Variants in ZNF385D observed in about 807,000 individuals in gnomAD.
ZNF385D encodes the protein zinc finger protein 659.
In ZNF385D, 15 loss-of-function variants were observed where a neutral mutation model predicts 35.8. That is an observed-to-expected ratio of 0.42 (90% CI 0.28 to 0.64). The LOEUF is 0.64. Ranked by LOEUF, ZNF385D falls within the 30% of genes least tolerant of loss-of-function variation. The pLI, the probability that ZNF385D is intolerant of heterozygous loss-of-function variation, is 0.23. For synonymous variants in ZNF385D, 212 were observed against 186.8 expected, an observed-to-expected ratio of 1.13 and a Z score of -1.10; for missense variants, 474 against 494.6, an observed-to-expected ratio of 0.96 and a Z score of 0.39.
intron 3 of ZNF385D, among the ~76,000 whole-genome samples, chr3:21,920,302 C>T (rs1700390985): frequency 6.6e-6 from 1 of 152,060 alleles, no homozygotes; most frequent in Non-Finnish European, 1.5e-5. Flanking sequence ...GTGCTTCAAA[C>T]ACAGTTGTGT....
chr3:22,029,505 A>G (rs1697787464), intron 3 of ZNF385D, among the ~76,000 whole-genome samples: 1 of 152,226 alleles, frequency 6.6e-6, no homozygotes, highest in South Asian at 2.1e-4. Context: ...TAAATAGTAG[A>G]TAAAAGGTAA....
At chr3:21,962,421 T>C (rs1702648376) in intron 3 of ZNF385D, among the ~76,000 whole-genome samples, 1 of 152,190 alleles carries the variant, frequency 6.6e-6, no homozygotes, top group Non-Finnish European at 1.5e-5. Context: ...AGTTTAATTT[T>C]GGAAATGTTA....
At chr3:21,656,591 G>A (rs1002629736) in intron 2 of ZNF385D, among the ~76,000 whole-genome samples, 42 of 151,900 alleles carry the variant, frequency 2.8e-4, no homozygotes, top group Non-Finnish European at 3.1e-4. Context: ...TTCCAATTAA[G>A]ATCACATTCT....
At chr3:21,655,735 G>A (rs2066052999) in intron 2 of ZNF385D, among the ~76,000 whole-genome samples, 1 of 151,992 alleles carries the variant, frequency 6.6e-6, no homozygotes, top group African/African-American at 2.4e-5. Flanking sequence ...AGGTCATCTA[G>A]CTATGTTGAA....
At chr3:22,082,861 G>C (rs147247727) in intron 3 of ZNF385D, among the ~76,000 whole-genome samples, 2 of 152,190 alleles carry the variant, frequency 1.3e-5, no homozygotes, top group Non-Finnish European at 2.9e-5. Flanking sequence ...CCAGAAGAAG[G>C]ATCAGGCAGC....
intron 2 of ZNF385D, among the ~76,000 whole-genome samples, chr3:22,327,936 T>C (rs1443653804): frequency 6.6e-6 from 1 of 152,220 alleles, no homozygotes; most frequent in African/African-American, 2.4e-5. Flanking sequence ...TGAAAACATC[T>C]ATCATCTGGA....
intron 4 of ZNF385D, among the ~76,000 whole-genome samples, chr3:21,458,954 T>A (rs1702998911): frequency 6.6e-6 from 1 of 152,218 alleles, no homozygotes; most frequent in Non-Finnish European, 1.5e-5. Context: ...ATGTGAATTA[T>A]ATCTCAATGA....
intron 1 of ZNF385D, among the ~76,000 whole-genome samples, chr3:21,685,662 A>C (rs1382890483): frequency 1.3e-5 from 2 of 152,228 alleles, no homozygotes; most frequent in Non-Finnish European, 2.9e-5. Flanking sequence ...TCTGAATAGC[A>C]TGGCTCATAA....
chr3:21,820,048 G>A (rs1217257920), intron 3 of ZNF385D, among the ~76,000 whole-genome samples: 1 of 151,080 alleles, frequency 6.6e-6, no homozygotes, highest in South Asian at 2.1e-4. Flanking sequence ...ATAAAAAACA[G>A]TAAGAATATA....
At chr3:21,791,735 G>A (rs546377528) in intron 3 of ZNF385D, among the ~76,000 whole-genome samples, 16 of 151,836 alleles carry the variant, frequency 1.1e-4, no homozygotes, top group African/African-American at 1.9e-4. Flanking sequence ...GGATCTAATC[G>A]TTTTTTTTGG....
At chr3:22,102,728 T>C (rs1702002910) in intron 3 of ZNF385D, among the ~76,000 whole-genome samples, 1 of 152,076 alleles carries the variant, frequency 6.6e-6, no homozygotes, top group Non-Finnish European at 1.5e-5. Context: ...TGATCTTCAA[T>C]ATCCCCACTA....
chr3:21,581,161 C>T (rs1267615857), intron 2 of ZNF385D, among the ~76,000 whole-genome samples: 1 of 152,164 alleles, frequency 6.6e-6, no homozygotes, highest in Non-Finnish European at 1.5e-5. Context: ...TTACTGCTTG[C>T]CCCAGACATT....
At chr3:21,741,568 T>C (rs1489313336) in intron 1 of ZNF385D, among the ~76,000 whole-genome samples, 1 of 152,056 alleles carries the variant, frequency 6.6e-6, no homozygotes, top group Non-Finnish European at 1.5e-5. Context: ...TCACAGGACT[T>C]TACAAGCAGA....
At chr3:21,588,382 CTTTA>C (rs1410021233) in intron 2 of ZNF385D, among the ~76,000 whole-genome samples, 1 of 151,962 alleles carries the variant, frequency 6.6e-6, no homozygotes, top group Non-Finnish European at 1.5e-5. Context: ...AAAAATTTAC[CTTTA>C]TTTACAAATT....
chr3:22,241,686 G>A (rs892911116), intron 2 of ZNF385D, among the ~76,000 whole-genome samples: 21 of 150,576 alleles, frequency 1.4e-4, no homozygotes, highest in Admixed American at 4.0e-4. Flanking sequence ...TCCTGGAGAG[G>A]AGGCAAGAAT....
rs113201728 is a variant in ZNF385D at position 21,911,078 on chromosome 3, T to G, written c.326-246050A>C. On this transcript the variant is annotated intron_variant, in intron 3 of 5. Coordinates refer to the ZNF385D transcript ENST00000494108. Reference sequence around the variant, plus strand: ...TAGGGGGAAAGAGAATATCTATGTGTTTTTAAAATGATATAGTTTAACAAT... The same window carrying G: ...TAGGGGGAAAGAGAATATCTATGTGGTTTTAAAATGATATAGTTTAACAAT... Among the ~76,000 whole-genome samples the G allele has an allele frequency of 3.4e-3, 510 of 152,056 alleles. 2 individuals carry two copies. The highest frequency in any genetic ancestry group is 0.012 in the African/African-American group (478 of 41,528).
chr3:21,668,685 T>G (rs932420905), intron 1 of ZNF385D, among the ~76,000 whole-genome samples: 2 of 152,226 alleles, frequency 1.3e-5, no homozygotes, highest in African/African-American at 4.8e-5. Flanking sequence ...GGATTAGTCC[T>G]AAAATATTTT....
intron 2 of ZNF385D, among the ~76,000 whole-genome samples, chr3:22,279,514 ATATAC>A (rs1701611861): frequency 1.5e-5 from 2 of 134,160 alleles, no homozygotes; most frequent in African/African-American, 6.8e-5. Flanking sequence ...ATATATATGT[ATATAC>A]ATATACATAT....
At chr3:21,628,787 G>T (rs1165839060) in intron 2 of ZNF385D, among the ~76,000 whole-genome samples, 3 of 152,004 alleles carry the variant, frequency 2.0e-5, no homozygotes, top group Non-Finnish European at 4.4e-5. Flanking sequence ...AACAAAAGTG[G>T]GAATAGAAGC....
Sources: allele counts gnomAD v4.1 joint callset (sites outside exome capture counted in the v4.1 genomes callset), GRCh38; gene constraint gnomAD v4.1.1; transcripts MANE v1.5; gene names NCBI Gene and HGNC (gene_info 2026-07-23, HGNC 2026-07-21).